The following MUSK variants were observed in gnomAD, a reference collection of about 807,000 sequenced individuals.
The protein encoded by MUSK is muscle associated receptor tyrosine kinase.
MUSK carries 55 observed loss-of-function variants against 88.7 expected under a neutral mutation model. That is an observed-to-expected ratio of 0.62 (90% CI 0.50 to 0.78). The LOEUF is 0.78. MUSK is among the 30% of genes least tolerant of loss of function. The pLI is 0.00. For missense variants in MUSK, 1,015 were observed against 1,074.3 expected, an observed-to-expected ratio of 0.94 and a Z score of 0.77; for synonymous variants, 387 against 391.9, an observed-to-expected ratio of 0.99 and a Z score of 0.15.
chr9:110,704,729 TAATCC>T (rs1218605391), intron 5 of MUSK, among the ~76,000 whole-genome samples: 1 of 151,918 alleles, frequency 6.6e-6, no homozygotes, highest in African/African-American at 2.4e-5. Flanking sequence ...CTCACGCCTA[TAATCC>T]CAGCACTTTG....
At chr9:110,785,108 C>A in intron 12 of MUSK, 92 bp downstream of exon 12, 1 of 1,073,272 alleles carries the variant, frequency 9.3e-7, no homozygotes, top group South Asian at 1.4e-5. Flanking sequence ...ATATATGACA[C>A]TGCAACTCTC....
intron 6 of MUSK, among the ~76,000 whole-genome samples, chr9:110,734,966 A>G (rs548241204): frequency 3.3e-4 from 50 of 152,246 alleles, no homozygotes; most frequent in Admixed American, 1.4e-3. Flanking sequence ...TCTGCCCTCA[A>G]AGAGCTTACC....
chr9:110,757,096 C>T (rs918168734), intron 7 of MUSK, among the ~76,000 whole-genome samples: 2 of 152,048 alleles, frequency 1.3e-5, no homozygotes, highest in Non-Finnish European at 1.5e-5. Flanking sequence ...ACCAGTTTGC[C>T]TTAACTCACT....
intron 5 of MUSK, among the ~76,000 whole-genome samples, chr9:110,719,059 A>T (rs1323858152): frequency 6.6e-6 from 1 of 152,066 alleles, no homozygotes; most frequent in African/African-American, 2.4e-5. Context: ...CAGCACTACA[A>T]TCTCAAATGA....
intron 5 of MUSK, among the ~76,000 whole-genome samples, chr9:110,722,183 C>G: frequency 6.6e-6 from 1 of 152,056 alleles, no homozygotes; most frequent in Non-Finnish European, 1.5e-5. Flanking sequence ...TTGGCTTAGG[C>G]AAAGACTTCA....
intron 7 of MUSK, among the ~76,000 whole-genome samples, chr9:110,755,187 TATAAAGAAATTTC>T (rs958609552): frequency 6.6e-6 from 1 of 152,194 alleles, no homozygotes; most frequent in African/African-American, 2.4e-5. Flanking sequence ...AGTTCTTATG[TATAAAGAAATTTC>T]ACAAAGAAAT....
chr9:110,711,898 C>G (rs2076676105), intron 5 of MUSK, among the ~76,000 whole-genome samples: 7 of 152,140 alleles, frequency 4.6e-5, no homozygotes, highest in Admixed American at 4.6e-4. Flanking sequence ...GATTCCAATT[C>G]TGTGGGAGCT....
intron 5 of MUSK, among the ~76,000 whole-genome samples, chr9:110,724,986 C>T (rs1317385228): frequency 1.3e-5 from 2 of 151,970 alleles, no homozygotes; most frequent in African/African-American, 4.8e-5. Flanking sequence ...GCTACTTTAA[C>T]TAATATGATA....
In MUSK at chr9:110,701,670, ATTTTATTTTTTTTACTTTAC is replaced by A. The variant is rs1564230020; in HGVS notation, c.628+4208_628+4227del. ...CTCAGCTATTTATTTTATTTATTTTATTTTATTTTTTTTACTTTACTTTATTTTATTTTATTTTATTTTAT... is the reference window on the plus strand; with the variant it reads ...CTCAGCTATTTATTTTATTTATTTTATTTATTTTATTTTATTTTATTTTAT... On this transcript the variant is annotated intron_variant, in intron 5 of 14. Transcript: ENST00000374448. Among the ~76,000 whole-genome samples the A allele has an allele frequency of 2.5e-4, 6 of 24,194 alleles. 1 individual carries two copies. The highest frequency in any genetic ancestry group is 3.8e-4 in the Non-Finnish European group (5 of 13,120). The allele number at this position is 24,194 out of a possible 152,430, so 15.9% of individuals were successfully genotyped here.
chr9:110,697,351 A>G lies in MUSK; in HGVS notation c.513A>G (p.Glu171=), dbSNP rs758149352. Residue 171 remains glutamate, a synonymous_variant, in exon 5 of 15, where the codon GAA becomes GAG. Coordinates refer to ENST00000374448, the MANE Select transcript of MUSK (RefSeq NM_005592.4). ...LRENSRIAVL[E]SGSLRIHNVQ... The stretch of plus-strand genomic sequence containing the variant: ...AAAATTCCCGAATTGCAGTTCTTGA[A>G]TCTGGGAGCTTGAGGATTCATAACG... 11 of 1,612,836 alleles carry G rather than the reference A, an allele frequency of 6.8e-6. No individual in the cohort carries two copies. Among genetic ancestry groups the G allele is most frequent in the Non-Finnish European group, 7.6e-6 (9 of 1,179,226 alleles).
chr9:110,787,414 G>T (rs2077892042), intron 13 of MUSK, among the ~76,000 whole-genome samples: 2 of 151,784 alleles, frequency 1.3e-5, no homozygotes, highest in Admixed American at 1.3e-4. Flanking sequence ...CCTATTGGGG[G>T]TGTATACTTC....
chr9:110,743,358 T>A (rs1479902666), intron 6 of MUSK, among the ~76,000 whole-genome samples: 1 of 152,206 alleles, frequency 6.6e-6, no homozygotes, highest in African/African-American at 2.4e-5. Flanking sequence ...TCAGAGTGAA[T>A]AGTAACATTC....
At chr9:110,790,402 C>T (rs76538292) in intron 14 of MUSK, among the ~76,000 whole-genome samples, 2,654 of 152,258 alleles carry the variant, frequency 0.017, 49 homozygotes, top group South Asian at 0.092. Context: ...AAGCATGCTT[C>T]CTTTCATGTG....
intron 7 of MUSK, among the ~76,000 whole-genome samples, chr9:110,751,163 C>T (rs1286968357): frequency 6.6e-6 from 1 of 152,172 alleles, no homozygotes; most frequent in African/African-American, 2.4e-5. Flanking sequence ...GAGAGGACTA[C>T]AGGGCATGAT....
intron 5 of MUSK, among the ~76,000 whole-genome samples, chr9:110,699,778 C>T (rs939645395): frequency 5.3e-5 from 8 of 152,152 alleles, no homozygotes; most frequent in African/African-American, 1.9e-4. Context: ...CAAGTCGTAA[C>T]TCTGCAAATT....
At chr9:110,775,667 C>T (rs2077655983) in intron 9 of MUSK, 121 bp from the exon 10 acceptor site, 7 of 885,872 alleles carry the variant, frequency 7.9e-6, no homozygotes, top group Admixed American at 4.1e-5. Flanking sequence ...TTCATAAACG[C>T]GCTTTTTTCA....
chr9:110,734,452 A>G, intron 6 of MUSK, 77 bp downstream of exon 6: 1 of 1,579,648 alleles, frequency 6.3e-7, no homozygotes, highest in South Asian at 1.1e-5. Context: ...ATATAGTTGT[A>G]GTTACCCAGA....
At chr9:110,671,385 A>G (rs1203683239) in intron 1 of MUSK, among the ~76,000 whole-genome samples, 2 of 152,202 alleles carry the variant, frequency 1.3e-5, no homozygotes, top group Non-Finnish European at 2.9e-5. Flanking sequence ...TTTTTAGATA[A>G]TATACTTCTT....
intron 7 of MUSK, among the ~76,000 whole-genome samples, chr9:110,751,253 C>T (rs757800433): frequency 7.2e-5 from 11 of 152,112 alleles, no homozygotes; most frequent in East Asian, 3.9e-4. Context: ...ACTCCATAAA[C>T]GGAACACCAA....
Sources: allele counts gnomAD v4.1 joint callset (sites outside exome capture counted in the v4.1 genomes callset), GRCh38; gene constraint gnomAD v4.1.1; transcripts MANE v1.5; gene names NCBI Gene and HGNC (gene_info 2026-07-23, HGNC 2026-07-21).